The following RAMP3 variants were observed in gnomAD, a reference collection of about 807,000 sequenced individuals.
RAMP3 encodes the protein receptor activity-modifying protein 3.
In RAMP3, 14 loss-of-function variants were observed where a neutral mutation model predicts 13.5. The ratio of observed to expected loss-of-function variants is 1.04; its 90% CI spans 0.69 to 1.63. The LOEUF (loss-of-function observed/expected upper bound fraction) is 1.63. Among genes scored for constraint, RAMP3 ranks in the 40% most tolerant of loss-of-function variants. The pLI is 0.00. For synonymous variants in RAMP3, 106 were observed against 88.3 expected (o/e 1.20, Z -1.12); for missense variants, 200 against 204.8 (o/e 0.98, Z 0.14).
intron 2 of RAMP3, among the ~76,000 whole-genome samples, chr7:45,178,013 G>T (rs541121924): frequency 6.6e-6 from 1 of 150,964 alleles, no homozygotes; most frequent in Admixed American, 6.6e-5. Context: ...GGCCTGGGGG[G>T]TGCACTCTCC....
chr7:45,163,800 G>A (rs1785908780), intron 1 of RAMP3: 1 of 985,330 alleles, frequency 1.0e-6, no homozygotes, highest in South Asian at 4.7e-5. Flanking sequence ...CTCCGTGCCA[G>A]TGGGGCATCT....
intron 1 of RAMP3, among the ~76,000 whole-genome samples, chr7:45,176,052 C>T (rs1786179734): frequency 1.3e-5 from 2 of 152,156 alleles, no homozygotes; most frequent in Non-Finnish European, 2.9e-5. Flanking sequence ...TATCATTCAG[C>T]CAAGACTTAT....
chr7:45,179,058 A>T (rs2074458433), intron 2 of RAMP3, among the ~76,000 whole-genome samples: 2 of 152,172 alleles, frequency 1.3e-5, no homozygotes, highest in Admixed American at 1.3e-4. Context: ...CCCCAGCTGG[A>T]CACTGGAGGT....
intron 1 of RAMP3, among the ~76,000 whole-genome samples, chr7:45,171,224 C>T (rs6952680): frequency 0.26 from 39,647 of 150,188 alleles, 6,316 homozygotes; most frequent in African/African-American, 0.45. Context: ...GGTGTGATCT[C>T]GGCCCACTGC....
In RAMP3 at chr7:45,157,872, T is replaced by C; in HGVS notation, c.44T>C (p.Leu15Pro). 1 of 1,406,684 alleles carries C rather than the reference T, an allele frequency of 7.1e-7. No individual in the cohort carries two copies. Among genetic ancestry groups the C allele is most frequent in the Non-Finnish European group, 9.2e-7 (1 of 1,089,776 alleles). 87.1% of individuals were successfully genotyped at this position (1,406,684 alleles called of 1,614,324 possible). A position where few individuals can be genotyped will look rare whatever the true frequency, so the allele number is the denominator to read the frequency against. The change falls in exon 1 of 3, where the codon CTG becomes CCG. Residue 15 changes from leucine to proline, a missense_variant. By Grantham distance (98) the Leu-to-Pro change is moderately conservative (BLOSUM62 -3). Coordinates refer to ENST00000242249, the MANE Select transcript of RAMP3 (RefSeq NM_005856.3). ...CGGCGCCCGCAACTTCTCCCGTTGCTGCTGCTGCTCTGCGGTAAGGGGGCG... is the reference window on the plus strand; with the variant it reads ...CGGCGCCCGCAACTTCTCCCGTTGCCGCTGCTGCTCTGCGGTAAGGGGGCG... The part of the protein sequence containing the change: ...ALRRPQLLPL[L>P]LLLCGGCPRA...
At chr7:45,175,087 G>A (rs977021654) in intron 1 of RAMP3, among the ~76,000 whole-genome samples, 2 of 152,302 alleles carry the variant, frequency 1.3e-5, no homozygotes, top group Admixed American at 1.3e-4. Flanking sequence ...CACCCCAGAG[G>A]CTCACTCAGG....
At chr7:45,166,980 CAG>C (rs1785975564) in intron 1 of RAMP3, among the ~76,000 whole-genome samples, 1 of 68,796 alleles carries the variant, frequency 1.5e-5, no homozygotes, top group Admixed American at 1.4e-4. Context: ...TTTTTTGAGA[CAG>C]AGTCTTGCCT....
At chr7:45,182,440 T>G (rs1009737619) in intron 2 of RAMP3, among the ~76,000 whole-genome samples, 1 of 151,982 alleles carries the variant, frequency 6.6e-6, no homozygotes, top group South Asian at 2.1e-4. Flanking sequence ...GACCTCTGGG[T>G]CTTGGTGGCT....
intron 1 of RAMP3, 78 bp downstream of exon 1, chr7:45,157,964 C>T (rs1785792014): frequency 8.0e-7 from 1 of 1,245,924 alleles, no homozygotes; most frequent in East Asian, 3.2e-5. Context: ...CGCGCCTTCC[C>T]GCACCTGCGC....
intron 1 of RAMP3, among the ~76,000 whole-genome samples, chr7:45,161,162 A>C (rs1013088672): frequency 5.3e-5 from 8 of 152,228 alleles, no homozygotes; most frequent in African/African-American, 1.9e-4. Flanking sequence ...GGGGCATGTG[A>C]AGATTATGGA....
chr7:45,181,047 ACCT>A (rs1200672408), intron 2 of RAMP3, among the ~76,000 whole-genome samples: 9 of 152,160 alleles, frequency 5.9e-5, no homozygotes, highest in Non-Finnish European at 1.2e-4. Flanking sequence ...TCACCCCATG[ACCT>A]CCTCTGTGCC....
At chr7:45,178,666 G>A (rs1786241831) in intron 2 of RAMP3, among the ~76,000 whole-genome samples, 1 of 152,280 alleles carries the variant, frequency 6.6e-6, no homozygotes, top group African/African-American at 2.4e-5. Flanking sequence ...GGTCCTCAGT[G>A]AGCCTGGACA....
At chr7:45,172,165 C>A (rs1469347855) in intron 1 of RAMP3, among the ~76,000 whole-genome samples, 1 of 152,156 alleles carries the variant, frequency 6.6e-6, no homozygotes, top group African/African-American at 2.4e-5. Context: ...GCCTCATCTG[C>A]CCAGAAAGAA....
chr7:45,167,376 T>C (rs928710291), intron 1 of RAMP3, among the ~76,000 whole-genome samples: 1 of 152,184 alleles, frequency 6.6e-6, no homozygotes, highest in Non-Finnish European at 1.5e-5. Context: ...CTTTCTCTGG[T>C]GAATTGTCTT....
Position 45,184,177 on chromosome 7 carries a change from G to A in RAMP3, c.*765G>A. On this transcript the variant is annotated 3_prime_UTR_variant, in exon 3 of 3. Transcript: ENST00000242249. ...TGTGGGTGAGGGGCCCTCTGGAATG[G>A]CATCCCATGAGCTTGTGGCCTCTAT... 1 of 398,728 alleles carries A rather than the reference G, an allele frequency of 2.5e-6. No individual in the cohort carries two copies. The highest frequency in any genetic ancestry group is 4.4e-6 in the Non-Finnish European group (1 of 226,164). The allele number at this position is 398,728 out of a possible 1,614,324, so 24.7% of individuals were successfully genotyped here.
intron 1 of RAMP3, among the ~76,000 whole-genome samples, chr7:45,175,967 T>C (rs912019965): frequency 3.3e-5 from 5 of 152,196 alleles, no homozygotes; most frequent in African/African-American, 1.2e-4. Context: ...AAGTGACTTA[T>C]TCAGCACTTG....
At chr7:45,167,857 A>T (rs1035933896) in intron 1 of RAMP3, among the ~76,000 whole-genome samples, 2 of 151,840 alleles carry the variant, frequency 1.3e-5, no homozygotes, top group Non-Finnish European at 2.9e-5. Flanking sequence ...AAGTGCTGGG[A>T]TTACAAGCGT....
chr7:45,167,516 G>T (rs1446797939), intron 1 of RAMP3, among the ~76,000 whole-genome samples: 1 of 150,188 alleles, frequency 6.7e-6, no homozygotes, highest in African/African-American at 2.4e-5. Context: ...TTGCCATGTT[G>T]TAAGTTGTAA....
intron 2 of RAMP3, among the ~76,000 whole-genome samples, chr7:45,180,171 G>A (rs1260772149): frequency 1.3e-5 from 2 of 152,260 alleles, no homozygotes; most frequent in African/African-American, 4.8e-5. Context: ...TGAGATTTGG[G>A]GAGCGGAGCC....
Sources: allele counts gnomAD v4.1 joint callset (sites outside exome capture counted in the v4.1 genomes callset), GRCh38; gene constraint gnomAD v4.1.1; transcripts MANE v1.5; gene names NCBI Gene and HGNC (gene_info 2026-07-23, HGNC 2026-07-21).